The following TNXB variants were observed in gnomAD, a reference collection of about 807,000 sequenced individuals.
TNXB encodes tenascin XB, also known as tenascin-X.
A neutral mutation model predicts 340.5 loss-of-function variants in TNXB; 183 were observed. That is an observed-to-expected ratio of 0.54 (90% CI 0.48 to 0.61). The LOEUF (loss-of-function observed/expected upper bound fraction) is 0.61. Ranked by LOEUF, TNXB falls within the 20% of genes least tolerant of loss-of-function variation. TNXB has a pLI of 0.00. For synonymous variants in TNXB, 2,121 were observed against 2,314.5 expected, an observed-to-expected ratio of 0.92 and a Z score of 2.40; for missense variants, 4,613 against 5,446.4, an observed-to-expected ratio of 0.85 and a Z score of 4.82.
Position 32,042,113 on chromosome 6 carries a change from C to T in TNXB, c.12368G>A (p.Arg4123Gln), listed in dbSNP as rs1776456440. 8.5e-6 allele frequency: 5 copies of T among 588,926 alleles called. No homozygotes were observed. Among genetic ancestry groups the T allele is most frequent in the South Asian group, 5.3e-5 (3 of 56,166 alleles). 36.5% of individuals were successfully genotyped at this position (588,926 alleles called of 1,614,324 possible). A position where few individuals can be genotyped will look rare whatever the true frequency, so the allele number is the denominator to read the frequency against. The change falls in exon 42 of 44, where the codon CGG (arginine) becomes CAG (glutamine). Residue 4123 changes from arginine (R) to glutamine (Q), a missense_variant. Coordinates refer to ENST00000644971, the MANE Select transcript of TNXB (RefSeq NM_001365276.2). ...GGCGAACACAGCCTCGTCCCCAGCC[C>T]GCAGGTCCACGCGCATGGAGTAGTC... Reference protein sequence around the residue: ...AGDYSMRVDLRAGDEAVFAQY... With the variant: ...AGDYSMRVDLQAGDEAVFAQY...
At chr6:32,076,719 C>T (rs901761422) in intron 11 of TNXB, among the ~76,000 whole-genome samples, 1 of 152,218 alleles carries the variant, frequency 6.6e-6, no homozygotes, top group Non-Finnish European at 1.5e-5. Flanking sequence ...CGGTGCCTCA[C>T]GCCTGTAATC....
rs1160967676 is a variant in TNXB at position 32,095,630 on chromosome 6, A to C, written c.2223T>G (p.Ala741=). 1 of 1,613,114 alleles carries C rather than the reference A, an allele frequency of 6.2e-7. No individual in the cohort carries two copies. Among genetic ancestry groups the C allele is most frequent in the East Asian group, 2.2e-5 (1 of 44,842 alleles). The change falls in exon 3 of 44, where the codon GCT becomes GCG. Residue 741 remains alanine, a synonymous_variant. Transcript: ENST00000644971. ...DGSCVCKDGY[A]GEDCGEEVPT... ...GCTCACCTTCTCCGCAGTCTTCGCCAGCATACCCATCTTTGCAGACACAGC... is the reference window on the plus strand; with the variant it reads ...GCTCACCTTCTCCGCAGTCTTCGCCCGCATACCCATCTTTGCAGACACAGC...
rs761030884 is a variant in TNXB, at chr6:32,067,902, T to A, written c.6303A>T (p.Leu2101=). Residue 2101 remains leucine, a synonymous_variant, in exon 18 of 44, where the codon CTA becomes CTT. Coordinates refer to ENST00000644971, the MANE Select transcript of TNXB (RefSeq NM_001365276.2). The surrounding 1 kb of genome is among the most constrained non-coding windows in gnomAD (Gnocchi z 4.2). The part of the protein sequence containing the change: ...EPAEEPLLGE[L]TVTGSSPDSL... ...AGTCAGGGGAGGATCCTGTCACTGT[T>A]AGCTCCCCCAGGAGCGGCTCCTCAG... 1 of 1,612,722 alleles carries A rather than the reference T, an allele frequency of 6.2e-7. No individual in the cohort carries two copies. Among genetic ancestry groups the A allele is most frequent in the African/African-American group, 1.3e-5 (1 of 75,020 alleles).
Position 32,072,204 on chromosome 6 carries a change from A to G in TNXB, c.4776T>C (p.Ser1592=), listed in dbSNP as rs1452347154. Reference sequence around the variant, plus strand: ...CAGGGACTGTCCATGAGAGGCCCACAGAGTCAGGGGTTATATCCGTCACTG... The same window carrying G: ...CAGGGACTGTCCATGAGAGGCCCACGGAGTCAGGGGTTATATCCGTCACTG... The part of the protein sequence containing the change: ...ELTVTDITPD[S]VGLSWTVPEG... Residue 1592 remains serine (S), a synonymous_variant, in exon 13 of 44, where the codon TCT becomes TCC. Coordinates refer to ENST00000644971, the MANE Select transcript of TNXB (RefSeq NM_001365276.2). The surrounding 1 kb of genome is among the most constrained non-coding windows in gnomAD (Gnocchi z 4.4). 6.2e-7 allele frequency: 1 copy of G among 1,612,398 alleles called. No individual in the cohort carries two copies. The highest frequency in any genetic ancestry group is 1.1e-5 in the South Asian group (1 of 90,762).
At chr6:32,105,966 T>C (rs752729235) in intron 1 of TNXB, among the ~76,000 whole-genome samples, 9 of 152,178 alleles carry the variant, frequency 5.9e-5, no homozygotes, top group East Asian at 1.9e-4. Context: ...TTATATGCAG[T>C]AGTGTGATGG....
chr6:32,067,402 A>G lies in TNXB; in HGVS notation c.6544+259T>C, dbSNP rs1050987593. ...CAAAAAGAGTTATGTATAGAGTTCC[A>G]AGGAAAAGCGGAGAGCCACAAACCA... On this transcript the variant is annotated intron_variant, in intron 18 of 43. Transcript: ENST00000644971. The surrounding 1 kb of genome is among the most constrained non-coding windows in gnomAD (Gnocchi z 4.2). 6.6e-6 allele frequency among the ~76,000 whole-genome samples: 1 copy of G among 152,234 alleles called. No homozygotes were observed. Among genetic ancestry groups the G allele is most frequent in the African/African-American group, 2.4e-5 (1 of 41,454 alleles).
rs550515997 is a variant in TNXB at position 32,083,171 on chromosome 6, G to A, written c.3446-845C>T. ...GTTCCGGAATCTGACAAGTCCAACC[G>A]CACCCTCCTTCCTGGAGTCCAGACA... On this transcript the variant is annotated intron_variant, in intron 8 of 43. Coordinates refer to ENST00000644971, the MANE Select transcript of TNXB (RefSeq NM_001365276.2). This position sits in a 1 kb window ranked among gnomAD's most constrained non-coding sequence, Gnocchi z 4.6. Among the ~76,000 whole-genome samples, 22 of 152,200 alleles carry A rather than the reference G, an allele frequency of 1.4e-4. No individual in the cohort carries two copies. The highest frequency in any genetic ancestry group is 5.3e-4 in the African/African-American group (22 of 41,538).
Position 32,097,874 on chromosome 6 carries a change from T to C in TNXB, c.325A>G (p.Ile109Val). Residue 109 changes from isoleucine to valine, a missense_variant, in exon 2 of 44, where the codon ATC becomes GTC. Physicochemically the swap from Ile to Val is conservative, Grantham distance 29. Around this residue, in one of 7 missense-constraint regions of TNXB, gnomAD observed 4,327 missense variants for 4,859.4 expected, o/e 0.89. Coordinates refer to ENST00000644971, the MANE Select transcript of TNXB (RefSeq NM_001365276.2). The surrounding 1 kb of genome is among the most constrained non-coding windows in gnomAD (Gnocchi z 5.9). ...EVQALRVRLE[I>V]LEELVKGLKE... ...AGCCCCTTCACCAACTCCTCCAGGA[T>C]CTCTAGACGGACCCTCAGGGCCTGT... is the stretch of plus-strand genomic sequence containing the variant. The C allele has an allele frequency of 1.9e-6, 3 of 1,563,180 alleles. No individual in the cohort carries two copies. Among genetic ancestry groups the C allele is most frequent in the Non-Finnish European group, 2.6e-6 (3 of 1,148,132 alleles).
chr6:32,057,862 C>G (rs1373596850), intron 22 of TNXB, among the ~76,000 whole-genome samples, 196 bp downstream of exon 22: 1 of 152,194 alleles, frequency 6.6e-6, no homozygotes, highest in Non-Finnish European at 1.5e-5. Flanking sequence ...CCCTGGGCCT[C>G]CCTATCACAT....
chr6:32,053,748 G>A, intron 24 of TNXB, 37 bp from the exon 25 acceptor site: 1 of 1,596,212 alleles, frequency 6.3e-7, no homozygotes, highest in Non-Finnish European at 8.6e-7. Context: ...AGGTCCCTGG[G>A]TTCTCAGTTC....
intron 18 of TNXB, 87 bp from the exon 19 acceptor site, chr6:32,065,204 G>T: frequency 8.7e-7 from 1 of 1,152,212 alleles, no homozygotes; most frequent in Non-Finnish European, 1.2e-6. Flanking sequence ...CAGAAGGTGG[G>T]CCCAGTCTGG....
intron 13 of TNXB, among the ~76,000 whole-genome samples, chr6:32,071,719 G>A (rs1778785346): frequency 3.3e-5 from 5 of 151,984 alleles, no homozygotes; most frequent in Admixed American, 3.3e-4. Context: ...CCGAGTAGCT[G>A]GAATTACTAG....
Position 32,075,963 on chromosome 6 carries a change from G to A in TNXB, c.4376-2011C>T, listed in dbSNP as rs910168131. ...TAAAACAGGCTGGTGACCAGGCCTC[G>A]GGCAGACAGAAATGAGTCAGGCTGG... On this transcript the variant is annotated intron_variant, in intron 11 of 43. Transcript: ENST00000644971. This position sits in a 1 kb window ranked among gnomAD's most constrained non-coding sequence, Gnocchi z 4.6. Among the ~76,000 whole-genome samples the A allele has an allele frequency of 2.0e-5, 3 of 152,176 alleles. No homozygotes were observed. Among genetic ancestry groups the A allele is most frequent in the Non-Finnish European group, 4.4e-5 (3 of 68,022 alleles).
intron 1 of TNXB, among the ~76,000 whole-genome samples, chr6:32,099,945 G>GT (rs1286103765): frequency 5.5e-4 from 18 of 32,902 alleles, no homozygotes; most frequent in East Asian, 4.7e-3. Flanking sequence ...ACATCCCTAA[G>GT]TAAAAAAAAA....
At position 32,042,391 on chromosome 6, in the gene TNXB, C is replaced by G; in HGVS notation, c.12211-29G>C. ...GGAAGCAAGTGGGGGCACCATCAGC[C>G]TCTGGCTCCCGGGGCAACAGACCCT... On this transcript the variant is annotated intron_variant, in intron 40 of 43. Coordinates refer to ENST00000644971, the MANE Select transcript of TNXB (RefSeq NM_001365276.2). 7.5e-6 allele frequency: 12 copies of G among 1,596,332 alleles called. 1 individual carries two copies. The highest frequency in any genetic ancestry group is 1.0e-5 in the Non-Finnish European group (12 of 1,170,094).
Position 32,096,377 on chromosome 6 carries a change from G to A in TNXB, c.1476C>T (p.Cys492=), listed in dbSNP as rs867104750. ...AGTCGCCAGGACAGGCGCGCGTGCCGCAGTCCCGGCCTGTGTACCCCGGCC... is the reference window on the plus strand; with the variant it reads ...AGTCGCCAGGACAGGCGCGCGTGCCACAGTCCCGGCCTGTGTACCCCGGCC... The part of the protein sequence containing the change: ...MCWPGYTGRD[C]GTRACPGDCR... Residue 492 remains cysteine (C), a synonymous_variant, in exon 3 of 44, where the codon TGC becomes TGT. Transcript: ENST00000644971. 1.0e-5 allele frequency: 16 copies of A among 1,560,498 alleles called. No homozygotes were observed. Among genetic ancestry groups the A allele is most frequent in the Middle Eastern group, 3.3e-4 (2 of 6,012 alleles).
rs771301786 is a variant in TNXB, at chr6:32,096,262, C to G, written c.1591G>C (p.Asp531His). 16 of 1,564,340 alleles carry G rather than the reference C, an allele frequency of 1.0e-5. No homozygotes were observed. The highest frequency in any genetic ancestry group is 1.4e-5 in the Non-Finnish European group (16 of 1,159,012). ...TCGCAAAGGCCGTGCCCACGGCAGT[C>G]CCCGGGACAGCGACGGCTCCCACAG... ...EDCGSRRCPG[D>H]CRGHGLCEDG... The change falls in exon 3 of 44, where the codon GAC becomes CAC. Residue 531 changes from aspartate to histidine, a missense_variant. By Grantham distance (81) the Asp-to-His change is moderately conservative (BLOSUM62 -1). This residue lies in a region of TNXB where 4,327 missense variants were observed against 4,859.4 expected (regional missense o/e 0.89). Transcript: ENST00000644971.
At chr6:32,106,633 G>C (rs1049775775) in intron 1 of TNXB, among the ~76,000 whole-genome samples, 1 of 152,198 alleles carries the variant, frequency 6.6e-6, no homozygotes, top group Non-Finnish European at 1.5e-5. Context: ...AAAGGGAGCT[G>C]AACAGGGACA....
intron 24 of TNXB, among the ~76,000 whole-genome samples, chr6:32,055,488 GC>G (rs1184446608): frequency 6.6e-6 from 1 of 152,078 alleles, no homozygotes; most frequent in East Asian, 1.9e-4. Flanking sequence ...GCCCCTCACT[GC>G]CTTCTGTCTT....
Sources: allele counts gnomAD v4.1 joint callset (sites outside exome capture counted in the v4.1 genomes callset), GRCh38; gene constraint gnomAD v4.1.1; regional missense constraint gnomAD v4.1.1; non-coding constraint Gnocchi (gnomAD v3.1); transcripts MANE v1.5; gene names NCBI Gene and HGNC (gene_info 2026-07-23, HGNC 2026-07-21).